Variants in NREP observed in about 807,000 individuals in gnomAD.
NREP encodes neuronal regeneration related protein, also known as neuronal regeneration-related protein.
Under a neutral mutation model 8.6 loss-of-function variants are expected in NREP, and 5 were observed. The observed-to-expected ratio is 0.58, with a 90% CI of 0.30 to 1.22. The LOEUF (loss-of-function observed/expected upper bound fraction) is 1.22. Ranked by LOEUF, NREP falls within the 50% of genes most tolerant of loss-of-function variation. NREP has a pLI of 0.07. For missense variants in NREP, 86 were observed against 82.5 expected, an observed-to-expected ratio of 1.04 and a Z score of -0.17; for synonymous variants, 27 against 28.0, an observed-to-expected ratio of 0.96 and a Z score of 0.11.
intron 2 of NREP, among the ~76,000 whole-genome samples, chr5:111,851,203 C>T (rs1054224009): frequency 6.6e-6 from 1 of 152,084 alleles, no homozygotes; most frequent in Non-Finnish European, 1.5e-5. Flanking sequence ...TATGTATATC[C>T]CATAAGATAT....
intron 2 of NREP, among the ~76,000 whole-genome samples, chr5:111,786,554 A>G (rs1751615722): frequency 6.6e-6 from 1 of 152,208 alleles, no homozygotes; most frequent in Admixed American, 6.5e-5. Context: ...TTCTCCAAAT[A>G]TGACCAAGCC....
At chr5:111,865,549 G>A (rs982829304) in intron 2 of NREP, among the ~76,000 whole-genome samples, 1 of 152,154 alleles carries the variant, frequency 6.6e-6, no homozygotes, top group Non-Finnish European at 1.5e-5. Context: ...GCAACCCATG[G>A]CATAGGCCAC....
At chr5:111,923,336 G>A (rs544985226) in intron 2 of NREP, among the ~76,000 whole-genome samples, 2 of 152,276 alleles carry the variant, frequency 1.3e-5, no homozygotes, top group South Asian at 4.1e-4. Flanking sequence ...AGAGGGTCCA[G>A]TCTGGATTTT....
chr5:111,798,921 T>C (rs906420949), intron 2 of NREP, among the ~76,000 whole-genome samples: 1 of 152,324 alleles, frequency 6.6e-6, no homozygotes, highest in Admixed American at 6.5e-5. Flanking sequence ...AATAACTTCT[T>C]TTCCTCTAGG....
chr5:111,828,397 G>C (rs1752679162), intron 2 of NREP, among the ~76,000 whole-genome samples: 2 of 152,122 alleles, frequency 1.3e-5, no homozygotes, highest in South Asian at 4.1e-4. Context: ...AGGGAGTATG[G>C]AGGGGATGTG....
At chr5:111,757,226 G>A (rs1338204512), upstream of NREP, 5 of 746,880 alleles carry the variant, frequency 6.7e-6, no homozygotes, top group Non-Finnish European at 7.9e-6. Flanking sequence ...TAGAAAGACA[G>A]ATTGGGGGGG....
upstream of NREP, chr5:111,757,962 T>C: frequency 1.0e-6 from 1 of 985,514 alleles, no homozygotes; most frequent in Non-Finnish European, 1.2e-6. Context: ...AGAGGGCATC[T>C]GAGGAAAAGA....
chr5:111,842,012 A>G (rs536987733), intron 2 of NREP, among the ~76,000 whole-genome samples: 8 of 152,140 alleles, frequency 5.3e-5, no homozygotes, highest in Non-Finnish European at 1.0e-4. Context: ...TTGTTATGAA[A>G]CATTGCTGTT....
At chr5:111,969,644 T>C (rs1380861682) in intron 2 of NREP, 1 of 152,068 alleles carries the variant, frequency 6.6e-6, no homozygotes, top group African/African-American at 2.4e-5. Context: ...ATGGGTAAAA[T>C]AAAAGAGGAG....
At chr5:111,757,851 G>T, upstream of NREP, 1 of 972,436 alleles carries the variant, frequency 1.0e-6, no homozygotes, top group Non-Finnish European at 1.2e-6. Flanking sequence ...GTTTGGGGGC[G>T]CGCCAAGCGT....
At chr5:111,868,847 T>A (rs982021576) in intron 2 of NREP, among the ~76,000 whole-genome samples, 3 of 151,010 alleles carry the variant, frequency 2.0e-5, no homozygotes, top group African/African-American at 7.4e-5. Context: ...TTTTTTTTTT[T>A]ACCACAATTG....
chr5:111,933,068 T>C (rs1312526896), intron 2 of NREP, among the ~76,000 whole-genome samples: 1 of 152,076 alleles, frequency 6.6e-6, no homozygotes, highest in Admixed American at 6.6e-5. Flanking sequence ...CTCCTTAGCA[T>C]TATAACTTTG....
intron 3 of NREP, chr5:111,732,003 G>T (rs556626223): frequency 6.6e-6 from 1 of 152,242 alleles, no homozygotes; most frequent in East Asian, 1.9e-4. Context: ...TTTGACGATG[G>T]TCTCTCTTTC....
chr5:111,735,603 GT>G, intron 2 of NREP, 96 bp from the exon 3 acceptor site: 1 of 813,916 alleles, frequency 1.2e-6, no homozygotes, highest in Non-Finnish European at 2.0e-6. Flanking sequence ...CTCCTCAATG[GT>G]TACTTATTCC....
Position 111,729,995 on chromosome 5 carries a change from A to C in NREP, c.*926T>G, listed in dbSNP as rs1748404657. 1.6e-5 allele frequency: 2 copies of C among 127,214 alleles called. No individual in the cohort carries two copies. The highest frequency in any genetic ancestry group is 8.7e-5 in the African/African-American group (2 of 22,910). The allele number at this position is 127,214 out of a possible 1,614,324, so 7.9% of individuals were successfully genotyped here. A position where few individuals can be genotyped will look rare whatever the true frequency, so the allele number is the denominator to read the frequency against. On this transcript the variant is annotated 3_prime_UTR_variant, in exon 4 of 4. Transcript: ENST00000257435. ...GACAAATATCCTTTCAAACAGAAAG[A>C]ACCCAAAGAGACACCTCAAAATGCC... is the stretch of plus-strand genomic sequence containing the variant.
rs78789958 is a variant in NREP, at chr5:111,923,840, T to C, written c.135+51434A>G. ...TAAGGGTTGGTGCCCCAAGCAAAGC[T>C]TGTTTTAACTGGTTAAAGACCCTTT... On this transcript the variant is annotated intron_variant, in intron 2 of 3. Coordinates refer to the NREP transcript ENST00000395634. 4.9e-3 allele frequency among the ~76,000 whole-genome samples: 740 copies of C among 152,338 alleles called. 4 individuals carry two copies. Among genetic ancestry groups the C allele is most frequent in the African/African-American group, 0.017 (696 of 41,588 alleles).
At chr5:111,769,014 G>C (rs1030483630) in intron 2 of NREP, among the ~76,000 whole-genome samples, 6 of 152,256 alleles carry the variant, frequency 3.9e-5, no homozygotes, top group African/African-American at 1.4e-4. Context: ...CTGCAGCCTT[G>C]CCAGCATCTG....
chr5:111,890,997 T>G (rs1271195722), intron 2 of NREP, among the ~76,000 whole-genome samples: 1 of 152,246 alleles, frequency 6.6e-6, no homozygotes, highest in Non-Finnish European at 1.5e-5. Context: ...CTCCTGAAAA[T>G]GGGCTTTTCT....
At chr5:111,931,853 T>C (rs1755546420) in intron 2 of NREP, among the ~76,000 whole-genome samples, 1 of 152,100 alleles carries the variant, frequency 6.6e-6, no homozygotes, top group African/African-American at 2.4e-5. Context: ...GATAAATAGA[T>C]ATCTTTCTCA....
Sources: allele counts gnomAD v4.1 joint callset (sites outside exome capture counted in the v4.1 genomes callset), GRCh38; gene constraint gnomAD v4.1.1; transcripts MANE v1.5; gene names NCBI Gene and HGNC (gene_info 2026-07-23, HGNC 2026-07-21).